The following ZDHHC20 variants were observed in gnomAD, a reference collection of about 807,000 sequenced individuals.
ZDHHC20 encodes the protein zDHHC palmitoyltransferase 20.
Under a neutral mutation model 57.8 loss-of-function variants are expected in ZDHHC20, and 43 were observed. The observed-to-expected ratio is 0.74, with a 90% confidence interval of 0.58 to 0.96. ZDHHC20 has a LOEUF of 0.96. Ranked by LOEUF, ZDHHC20 falls within the 40% of genes least tolerant of loss-of-function variation. ZDHHC20 has a pLI of 0.00. For synonymous variants in ZDHHC20, 157 were observed against 153.0 expected (o/e 1.03, Z -0.19); for missense variants, 391 against 441.1 (o/e 0.89, Z 1.02).
intron 6 of ZDHHC20, among the ~76,000 whole-genome samples, chr13:21,401,235 T>C (rs1877582106): frequency 6.6e-6 from 1 of 152,076 alleles, no homozygotes; most frequent in Non-Finnish European, 1.5e-5. Flanking sequence ...GACAAGATCA[T>C]GCCACTGTAC....
intron 1 of ZDHHC20, among the ~76,000 whole-genome samples, chr13:21,441,996 T>G (rs548399528): frequency 6.6e-6 from 1 of 152,228 alleles, no homozygotes; most frequent in African/African-American, 2.4e-5. Flanking sequence ...GGTTTTATAG[T>G]GGAATATTAT....
intron 7 of ZDHHC20, among the ~76,000 whole-genome samples, chr13:21,398,160 C>T (rs573096520): frequency 7.8e-4 from 118 of 152,044 alleles, no homozygotes; most frequent in African/African-American, 2.7e-3. Context: ...CAGTACTGGG[C>T]GACTAAGAAA....
At position 21,398,333 on chromosome 13, in the gene ZDHHC20, G is replaced by A. The variant is rs184954629; in HGVS notation, c.594+2040C>T. On this transcript the variant is annotated intron_variant, in intron 7 of 12. Transcript: ENST00000400590. The stretch of plus-strand genomic sequence containing the variant: ...CAAAAAATTAGCCGGGCGAGGTGCC[G>A]GGTGCCTGTAGTCCCAGCTACTCGG... Among the ~76,000 whole-genome samples, 217 of 152,052 alleles carry A rather than the reference G, an allele frequency of 1.4e-3. 7 individuals are homozygous for A. In the East Asian group the frequency reaches 0.033, roughly 23 times the overall value.
intron 2 of ZDHHC20, 93 bp downstream of exon 2, chr13:21,425,559 C>A: frequency 2.2e-6 from 2 of 927,614 alleles, no homozygotes; most frequent in Non-Finnish European, 2.9e-6. Context: ...TTCTAAAAAA[C>A]AAAAACACAT....
chr13:21,376,877 A>G (rs9509669), intron 12 of ZDHHC20: 270,965 of 301,976 alleles, frequency 0.9, 121,722 homozygotes, highest in East Asian at 1. Flanking sequence ...TTTTAAAAGG[A>G]AGAATCTTAC....
intron 3 of ZDHHC20, among the ~76,000 whole-genome samples, chr13:21,418,256 C>G (rs984068227): frequency 6.6e-6 from 1 of 152,120 alleles, no homozygotes; most frequent in Non-Finnish European, 1.5e-5. Context: ...ACAGCAAGGT[C>G]ACTGGATACA....
Position 21,382,961 on chromosome 13 carries a change from T to C in ZDHHC20, c.903A>G (p.Pro301=), listed in dbSNP as rs1219741151. 6.4e-7 allele frequency: 1 copy of C among 1,565,810 alleles called. No homozygotes were observed. The highest frequency in any genetic ancestry group is 1.4e-5 in the African/African-American group (1 of 73,656). Residue 301 remains proline, a synonymous_variant, in exon 10 of 13, where the codon CCA becomes CCG. Coordinates refer to ENST00000400590, the MANE Select transcript of ZDHHC20 (RefSeq NM_001330059.2). ...TCTGGTTTGTAACAGAAGCTTGTTC[T>C]GGATCCATCCCCACAAGGCGAGTTG... is the stretch of plus-strand genomic sequence containing the variant. ...SFPTRLVGMD[P]EQASVTNQNE...
At chr13:21,388,121 A>G (rs1874912045) in intron 8 of ZDHHC20, among the ~76,000 whole-genome samples, 1 of 152,170 alleles carries the variant, frequency 6.6e-6, no homozygotes, top group Non-Finnish European at 1.5e-5. Context: ...AGGTGAAGGA[A>G]GCTAATTTTG....
At chr13:21,405,876 T>C (rs1019104075) in intron 4 of ZDHHC20, among the ~76,000 whole-genome samples, 4 of 152,266 alleles carry the variant, frequency 2.6e-5, no homozygotes, top group African/African-American at 9.6e-5. Flanking sequence ...CTAAGTTAAG[T>C]CCCTGCTTCC....
chr13:21,379,817 T>A (rs918911969), intron 11 of ZDHHC20, among the ~76,000 whole-genome samples: 1 of 114,012 alleles, frequency 8.8e-6, no homozygotes, highest in African/African-American at 3.5e-5. Context: ...CTCTTTTTTT[T>A]CTTTTTTCTT....
intron 1 of ZDHHC20, among the ~76,000 whole-genome samples, chr13:21,456,317 G>A (rs1884923565): frequency 6.6e-6 from 1 of 152,166 alleles, no homozygotes; most frequent in Non-Finnish European, 1.5e-5. Flanking sequence ...GGCTGAGGCA[G>A]GAGAGTCACT....
At chr13:21,411,020 G>A (rs866722574) in intron 4 of ZDHHC20, among the ~76,000 whole-genome samples, 21 of 152,234 alleles carry the variant, frequency 1.4e-4, no homozygotes, top group Non-Finnish European at 1.3e-4. Context: ...CCTGGTCTGT[G>A]GGTTGCGAAG....
Position 21,376,531 on chromosome 13 carries a change from G to A in ZDHHC20, c.*165C>T, listed in dbSNP as rs1343593261. 7.4e-5 allele frequency: 51 copies of A among 685,638 alleles called. No homozygotes were observed. Among genetic ancestry groups the A allele is most frequent in the Non-Finnish European group, 1.0e-4 (46 of 452,222 alleles). The allele number at this position is 685,638 out of a possible 1,614,324, so 42.5% of individuals were successfully genotyped here. On this transcript the variant is annotated 3_prime_UTR_variant, in exon 13 of 13. Coordinates refer to ENST00000400590, the MANE Select transcript of ZDHHC20 (RefSeq NM_001330059.2). ...TGGAGTAGTGCTTCTGTGAATCCCA[G>A]GAACTGTACAAAGGCTTTCCGTTTT...
chr13:21,435,114 TG>T (rs1351627479), intron 1 of ZDHHC20, among the ~76,000 whole-genome samples: 1 of 152,240 alleles, frequency 6.6e-6, no homozygotes, highest in Non-Finnish European at 1.5e-5. Context: ...TTCAATCTTT[TG>T]GTATGGCAGG....
intron 1 of ZDHHC20, among the ~76,000 whole-genome samples, chr13:21,448,226 A>C: frequency 4.2e-5 from 2 of 47,790 alleles, no homozygotes; most frequent in East Asian, 8.5e-4. Context: ...CAGCTGCCCC[A>C]TCCGGGAGGT....
In ZDHHC20 at chr13:21,376,589, T is replaced by C. The variant is rs1566056072; in HGVS notation, c.*107A>G. ...ATATCTTCTGTTATACTTCAGTTAT[T>C]TCATTCCACTGATCATTTTCTTGCA... is the stretch of plus-strand genomic sequence containing the variant. On this transcript the variant is annotated 3_prime_UTR_variant, in exon 13 of 13. Transcript: ENST00000400590. The C allele has an allele frequency of 7.8e-7, 1 of 1,280,686 alleles. No individual in the cohort carries two copies. The highest frequency in any genetic ancestry group is 1.1e-6 in the Non-Finnish European group (1 of 944,380). 79.3% of individuals were successfully genotyped at this position (1,280,686 alleles called of 1,614,324 possible).
Sources: gnomAD v4.1 joint callset for allele counts (sites outside exome capture counted in the v4.1 genomes callset) on GRCh38, gnomAD v4.1.1 for gene constraint, MANE v1.5 for transcripts, NCBI Gene and HGNC (gene_info 2026-07-23, HGNC 2026-07-21) for gene names.